The following AGRN variants were observed in gnomAD, a reference collection of about 807,000 sequenced individuals.
The protein encoded by AGRN is agrin, also known as agrin proteoglycan.
AGRN carries 106 observed loss-of-function variants against 211.0 expected under a neutral mutation model. The observed-to-expected ratio is 0.50, with a 90% confidence interval of 0.43 to 0.59. The LOEUF is 0.59. AGRN is among the 20% of genes least tolerant of loss of function. The pLI is 0.00. For missense variants in AGRN, 3,040 were observed against 2,982.6 expected (o/e 1.02, Z -0.45); for synonymous variants, 1,525 against 1,332.5 (o/e 1.14, Z -3.15).
rs138343243 is a variant in AGRN, at chr1:1,040,446, A to G, written c.512-219A>G. ...GGTGGGGGAGAAAGGTCATCCCTGG[A>G]GAGGCCCGGGGCTGGCGGGAATCCT... On this transcript the variant is annotated intron_variant, in intron 3 of 35. Transcript: ENST00000379370. Among the ~76,000 whole-genome samples the G allele has an allele frequency of 8.6e-3, 1,313 of 152,134 alleles. 16 individuals are homozygous for G. Among genetic ancestry groups the G allele is most frequent in the African/African-American group, 0.016 (659 of 41,494 alleles).
intron 2 of AGRN, among the ~76,000 whole-genome samples, chr1:1,023,130 G>A (rs1054342565): frequency 2.0e-5 from 3 of 152,146 alleles, no homozygotes; most frequent in Non-Finnish European, 4.4e-5. Flanking sequence ...CATCCTGTCT[G>A]CTCCCTCATG....
At position 1,043,665 on chromosome 1, in the gene AGRN, G is replaced by A. The variant is rs747993191; in HGVS notation, c.1731G>A (p.Glu577=). The A allele has an allele frequency of 2.9e-5, 47 of 1,600,804 alleles. No homozygotes were observed. The highest frequency in any genetic ancestry group is 4.0e-5 in the African/African-American group (3 of 74,738). The part of the protein sequence containing the change: ...CGSDGHTYPS[E]CMLHVHACTH... ...CCGACGGGCACACGTACCCCAGCGA[G>A]TGCATGCTGCACGTGCACGCCTGCA... Residue 577 remains glutamate (E), a synonymous_variant, in exon 9 of 36, where the codon GAG becomes GAA. Coordinates refer to ENST00000379370, the MANE Select transcript of AGRN (RefSeq NM_198576.4).
Position 1,035,275 on chromosome 1 carries a change from A to G in AGRN, c.464-2A>G, listed in dbSNP as rs1332051427. On this transcript the variant is annotated splice_acceptor_variant, in intron 2 of 35. Transcript: ENST00000379370. LOFTEE classifies it high-confidence loss of function. Reference sequence around the variant, plus strand: ...CTAACTTGGGGATTTGTTTTCTTCCAGATAAACCCGGGACCCACTTCACTC... The same window carrying G: ...CTAACTTGGGGATTTGTTTTCTTCCGGATAAACCCGGGACCCACTTCACTC... 5.0e-6 allele frequency: 8 copies of G among 1,612,994 alleles called. No individual in the cohort carries two copies. Among genetic ancestry groups the G allele is most frequent in the Non-Finnish European group, 6.8e-6 (8 of 1,179,968 alleles).
chr1:1,029,188 G>A (rs975427749), intron 2 of AGRN, among the ~76,000 whole-genome samples: 2 of 152,136 alleles, frequency 1.3e-5, no homozygotes, highest in African/African-American at 4.8e-5. Flanking sequence ...ACCCACTCCA[G>A]GCCCCAACCC....
At chr1:1,042,252 T>C in intron 7 of AGRN, 90 bp downstream of exon 7, 1 of 1,437,458 alleles carries the variant, frequency 7.0e-7, no homozygotes, top group Non-Finnish European at 9.3e-7. Flanking sequence ...ATCCATCATG[T>C]TCCTCTTGGG....
At chr1:1,047,256 G>T in intron 19 of AGRN, 71 bp from the exon 20 acceptor site, 1 of 1,535,802 alleles carries the variant, frequency 6.5e-7, no homozygotes. Context: ...GCTTGCTGCT[G>T]GGGCCTGTGC....
In AGRN at chr1:1,050,820, G is replaced by C; in HGVS notation, c.5236G>C (p.Val1746Leu). The change falls in exon 30 of 36, where the codon GTG becomes CTG. Residue 1746 changes from valine to leucine, a missense_variant. By Grantham distance (32) the Val-to-Leu change is conservative (BLOSUM62 1). Coordinates refer to ENST00000379370, the MANE Select transcript of AGRN (RefSeq NM_198576.4). ...CCTGCGTGTGGGCGACGGCCCCCGT[G>C]TGTTGGGGGAGTCCCCGGTGAGTGC... ...GALRVGDGPRVLGESPVPHTV... is the reference protein window; with the variant it reads ...GALRVGDGPRLLGESPVPHTV... 1 of 1,585,456 alleles carries C rather than the reference G, an allele frequency of 6.3e-7. No individual in the cohort carries two copies. The highest frequency in any genetic ancestry group is 8.5e-7 in the Non-Finnish European group (1 of 1,170,266).
In AGRN at chr1:1,043,817, C is replaced by T. The variant is rs1645014898; in HGVS notation, c.1799-6C>T. ...GCCGACCCCTGCCTGGCTCTGTCTC[C>T]TGCAGAGACCTGTGGAGATGCCGTG... On this transcript the variant is annotated splice_region_variant and splice_polypyrimidine_tract_variant and intron_variant, in intron 9 of 35. Transcript: ENST00000379370. 6.2e-7 allele frequency: 1 copy of T among 1,610,398 alleles called. No homozygotes were observed. Among genetic ancestry groups the T allele is most frequent in the Admixed American group, 1.7e-5 (1 of 59,994 alleles).
chr1:1,044,644 C>A (rs2100650746), intron 12 of AGRN, among the ~76,000 whole-genome samples: 1 of 152,266 alleles, frequency 6.6e-6, no homozygotes, highest in African/African-American at 2.4e-5. Flanking sequence ...AGTGGGCGTG[C>A]ACCAGGCCAG....
At position 1,043,224 on chromosome 1, in the gene AGRN, CTG is replaced by C; in HGVS notation, c.1385-11_1385-10del. On this transcript the variant is annotated splice_polypyrimidine_tract_variant and intron_variant, in intron 7 of 35. Coordinates refer to ENST00000379370, the MANE Select transcript of AGRN (RefSeq NM_198576.4). ...GGGGGCTTGTGGGACCACTGAGCCC[CTG>C]TGTCCTTCCCAGACCAGGCCCCGTC... is the stretch of plus-strand genomic sequence containing the variant. 1 of 351,846 alleles carries C rather than the reference CTG, an allele frequency of 2.8e-6. No homozygotes were observed. 21.8% of individuals were successfully genotyped at this position (351,846 alleles called of 1,614,324 possible).
chr1:1,033,905 T>C (rs1431849171), intron 2 of AGRN, among the ~76,000 whole-genome samples: 1 of 149,970 alleles, frequency 6.7e-6, no homozygotes, highest in East Asian at 2.0e-4. Flanking sequence ...CGCCCGATCC[T>C]CTGGAACTCC....
rs569170816 is a variant in AGRN, at chr1:1,045,614, G to C, written c.2536+91G>C. The C allele has an allele frequency of 1.1e-5, 18 of 1,605,634 alleles. No homozygotes were observed. The Admixed American group carries it at 2.7e-4, about 24-fold the overall frequency. Reference sequence around the variant, plus strand: ...GCTTCTCCTCACCTGCCCAGGCCCTGGCCTGACCCACACCTGGCTGGGGGC... The same window carrying C: ...GCTTCTCCTCACCTGCCCAGGCCCTCGCCTGACCCACACCTGGCTGGGGGC... On this transcript the variant is annotated intron_variant, in intron 14 of 35. Coordinates refer to ENST00000379370, the MANE Select transcript of AGRN (RefSeq NM_198576.4).
At chr1:1,040,593 A>G in intron 3 of AGRN, 72 bp from the exon 4 acceptor site, 1 of 1,514,824 alleles carries the variant, frequency 6.6e-7, no homozygotes, top group South Asian at 1.2e-5. Flanking sequence ...CGAGCACGGC[A>G]AGGTCTCTCA....
intron 26 of AGRN, 22 bp from the exon 27 acceptor site, chr1:1,049,881 G>A (rs758722712): frequency 3.8e-5 from 61 of 1,611,202 alleles, no homozygotes; most frequent in East Asian, 2.0e-4. Context: ...CCTCGGTCCC[G>A]GTCCCGTCTT....
chr1:1,026,139 C>T (rs1644516719), intron 2 of AGRN, among the ~76,000 whole-genome samples: 1 of 151,752 alleles, frequency 6.6e-6, no homozygotes, highest in African/African-American at 2.4e-5. Flanking sequence ...CACCCCACTC[C>T]CTCACTCCCC....
chr1:1,020,479 C>G, intron 1 of AGRN, 106 bp downstream of exon 1: 1 of 1,154,762 alleles, frequency 8.7e-7, no homozygotes, highest in Admixed American at 3.5e-5. Flanking sequence ...AGCCCCCGCT[C>G]CGGCTCCCTT....
intron 19 of AGRN, 76 bp from the exon 20 acceptor site, chr1:1,047,248 TTGC>T: frequency 6.5e-7 from 1 of 1,529,166 alleles, no homozygotes; most frequent in Non-Finnish European, 8.8e-7. Flanking sequence ...CCCTTGTGGC[TTGC>T]TGCTGGGGCC....
Position 1,053,820 on chromosome 1 carries a change from C to T in AGRN, c.5719C>T (p.Leu1907Phe). The T allele has an allele frequency of 1.2e-6, 2 of 1,611,140 alleles. No homozygotes were observed. Among genetic ancestry groups the T allele is most frequent in the South Asian group, 2.2e-5 (2 of 90,470 alleles). Residue 1907 changes from leucine to phenylalanine, a missense_variant, in exon 34 of 36, where the codon CTC (leucine) becomes TTC (phenylalanine). Physicochemically the swap from Leu to Phe is conservative, Grantham distance 22. Coordinates refer to ENST00000379370, the MANE Select transcript of AGRN (RefSeq NM_198576.4). ...LRTEATQGLV[L>F]WSGKATERAD... ...CACTGAGGCCACGCAGGGGCTGGTG[C>T]TCTGGAGTGGCAAGGCCACGGAGCG...
chr1:1,049,251 G>A lies in AGRN; in HGVS notation c.4314G>A (p.Ser1438=), dbSNP rs375067610. 2.1e-5 allele frequency: 34 copies of A among 1,586,468 alleles called. No homozygotes were observed. The highest frequency in any genetic ancestry group is 2.0e-4 in the East Asian group (9 of 44,170). ...CTGCCCTCAGGTTTGACACAGGTTC[G>A]GGGCCGGCGGTGCTGACCAGTGCCG... ...GRVQLRFDTG[S]GPAVLTSAVP... Residue 1438 remains serine, a synonymous_variant, in exon 25 of 36, where the codon TCG becomes TCA. Coordinates refer to ENST00000379370, the MANE Select transcript of AGRN (RefSeq NM_198576.4).
Sources: allele counts gnomAD v4.1 joint callset (sites outside exome capture counted in the v4.1 genomes callset), GRCh38; gene constraint gnomAD v4.1.1; transcripts MANE v1.5; gene names NCBI Gene and HGNC (gene_info 2026-07-23, HGNC 2026-07-21).